RBFOX1: variants seen among roughly 807,000 people sequenced by gnomAD.
RBFOX1 encodes RNA binding protein fox-1 homolog 1.
A neutral mutation model predicts 57.7 loss-of-function variants in RBFOX1; 8 were observed. The observed-to-expected ratio is 0.14, with a 90% CI of 0.08 to 0.25. The LOEUF (loss-of-function observed/expected upper bound fraction) is 0.25, where lower values mean the gene tolerates loss of function less well. Ranked by LOEUF, RBFOX1 falls within the 10% of genes least tolerant of loss-of-function variation. The pLI, the probability that RBFOX1 is intolerant of heterozygous loss-of-function variation, is 1.00. For synonymous variants in RBFOX1, 326 were observed against 222.4 expected, an observed-to-expected ratio of 1.47 and a Z score of -4.15; for missense variants, 611 against 548.5, an observed-to-expected ratio of 1.11 and a Z score of -1.14.
chr16:7,066,809 G>C (rs936409395), intron 4 of RBFOX1, among the ~76,000 whole-genome samples: 1 of 152,190 alleles, frequency 6.6e-6, no homozygotes, highest in Non-Finnish European at 1.5e-5. Flanking sequence ...GGTTCAATAA[G>C]AGGAGCACTT....
intron 3 of RBFOX1, among the ~76,000 whole-genome samples, chr16:5,864,199 C>T (rs1383259247): frequency 3.9e-5 from 6 of 152,168 alleles, no homozygotes; most frequent in Admixed American, 3.9e-4. Context: ...ATAATGGCCT[C>T]CAGCTCCATC....
At chr16:7,189,975 T>A (rs765002231) in intron 4 of RBFOX1, among the ~76,000 whole-genome samples, 1 of 152,218 alleles carries the variant, frequency 6.6e-6, no homozygotes, top group African/African-American at 2.4e-5. Context: ...GAGTTCTTCA[T>A]TGAGCAATGA....
intron 15 of RBFOX1, chr16:7,710,311 G>C (rs888722315): frequency 4.2e-6 from 5 of 1,182,884 alleles, no homozygotes; most frequent in African/African-American, 3.2e-5. Context: ...TCAACCTCAA[G>C]TGCAGATTAT....
At chr16:7,058,625 T>G (rs915830101) in intron 4 of RBFOX1, among the ~76,000 whole-genome samples, 5 of 151,818 alleles carry the variant, frequency 3.3e-5, no homozygotes, top group Admixed American at 6.5e-5. Flanking sequence ...TATTTTTGCA[T>G]GCAAAAAAAG....
chr16:5,275,205 A>C (rs757476458), intron 1 of RBFOX1, among the ~76,000 whole-genome samples: 2 of 152,224 alleles, frequency 1.3e-5, no homozygotes, highest in Admixed American at 6.5e-5. Context: ...TATGGGGTCC[A>C]TGTGAGATTT....
intron 4 of RBFOX1, among the ~76,000 whole-genome samples, chr16:7,119,698 G>A (rs1453994427): frequency 6.6e-6 from 1 of 151,906 alleles, no homozygotes; most frequent in Non-Finnish European, 1.5e-5. Flanking sequence ...CACAAACTAT[G>A]GGACTTTTAA....
chr16:7,383,812 T>G (rs111249421), intron 4 of RBFOX1, among the ~76,000 whole-genome samples: 2,842 of 152,132 alleles, frequency 0.019, 36 homozygotes, highest in Non-Finnish European at 0.03. Flanking sequence ...ATCCCCGTAC[T>G]TTGGGAGGCC....
chr16:6,479,905 G>T (rs567230858), intron 2 of RBFOX1, among the ~76,000 whole-genome samples: 1 of 152,038 alleles, frequency 6.6e-6, no homozygotes, highest in East Asian at 2.0e-4. Context: ...CAAAAAATTA[G>T]TTGGGCATGG....
intron 2 of RBFOX1, among the ~76,000 whole-genome samples, chr16:5,484,132 C>T (rs2069644225): frequency 6.6e-6 from 1 of 152,226 alleles, no homozygotes; most frequent in African/African-American, 2.4e-5. Context: ...GATCATGCCA[C>T]TGCACTTCAG....
chr16:6,508,633 C>G (rs1046826070), intron 2 of RBFOX1, among the ~76,000 whole-genome samples: 2 of 152,046 alleles, frequency 1.3e-5, no homozygotes, highest in Admixed American at 6.6e-5. Context: ...CTTTACTTTT[C>G]TCTTGAACTT....
intron 3 of RBFOX1, among the ~76,000 whole-genome samples, chr16:6,807,634 G>A (rs1268078856): frequency 1.3e-5 from 2 of 152,038 alleles, no homozygotes; most frequent in East Asian, 3.9e-4. Context: ...TGGCGAGCAT[G>A]GTGAAAGCCC....
At chr16:6,091,159 A>G (rs75780487) in intron 1 of RBFOX1, among the ~76,000 whole-genome samples, 4,214 of 152,190 alleles carry the variant, frequency 0.028, 148 homozygotes, top group African/African-American at 0.084. Flanking sequence ...CACTTCTCCT[A>G]TCTAACTGTA....
chr16:7,178,564 A>C (rs2082107450), intron 4 of RBFOX1, among the ~76,000 whole-genome samples: 1 of 152,220 alleles, frequency 6.6e-6, no homozygotes, highest in South Asian at 2.1e-4. Flanking sequence ...CATGGTATTT[A>C]TGGGTATATT....
chr16:5,943,280 T>C (rs921799759), intron 4 of RBFOX1, among the ~76,000 whole-genome samples: 2 of 152,176 alleles, frequency 1.3e-5, no homozygotes. Context: ...TGAACTTTCT[T>C]AGTATGTAGT....
chr16:7,024,369 G>A (rs1238620087), intron 3 of RBFOX1, among the ~76,000 whole-genome samples: 1 of 152,136 alleles, frequency 6.6e-6, no homozygotes, highest in Non-Finnish European at 1.5e-5. Flanking sequence ...GAGGGCAGTT[G>A]AGTGCAATGA....
At chr16:6,453,710 TG>T (rs1444089456) in intron 2 of RBFOX1, among the ~76,000 whole-genome samples, 1 of 152,196 alleles carries the variant, frequency 6.6e-6, no homozygotes, top group African/African-American at 2.4e-5. Flanking sequence ...CTAAGCTTAT[TG>T]GTTTCACTGG....
intron 1 of RBFOX1, among the ~76,000 whole-genome samples, chr16:5,259,524 T>C (rs2062678245): frequency 6.6e-6 from 1 of 152,214 alleles, no homozygotes; most frequent in Admixed American, 6.5e-5. Context: ...AACTCCTTGA[T>C]GTCTGGGTCA....
At chr16:7,075,583 A>AT (rs1768086268) in intron 4 of RBFOX1, among the ~76,000 whole-genome samples, 9 of 151,022 alleles carry the variant, frequency 6.0e-5, no homozygotes, top group African/African-American at 2.2e-4. Flanking sequence ...TTTTTTATTT[A>AT]TTTTTCTTTT....
At chr16:6,920,836 T>A (rs1344561750) in intron 3 of RBFOX1, among the ~76,000 whole-genome samples, 1 of 152,230 alleles carries the variant, frequency 6.6e-6, no homozygotes. Context: ...CTTGAGATCC[T>A]TAACTTAGTT....
Sources: allele counts gnomAD v4.1 joint callset (sites outside exome capture counted in the v4.1 genomes callset), GRCh38; gene constraint gnomAD v4.1.1; transcripts MANE v1.5; gene names NCBI Gene and HGNC (gene_info 2026-07-23, HGNC 2026-07-21).